The following ADGRL2 variants were observed in gnomAD, a reference collection of about 807,000 sequenced individuals.
ADGRL2 encodes the protein calcium-independent alpha-latrotoxin receptor 2.
Under a neutral mutation model 157.4 loss-of-function variants are expected in ADGRL2, and 44 were observed. That is an observed-to-expected ratio of 0.28 (90% CI 0.22 to 0.36). The LOEUF (loss-of-function observed/expected upper bound fraction) is 0.36. Ranked by LOEUF, ADGRL2 falls within the 10% of genes least tolerant of loss-of-function variation. The probability of loss-of-function intolerance (pLI) is 1.00; values close to 1 mark genes in which losing one functional copy is unlikely to be tolerated. For missense variants in ADGRL2, 1,510 were observed against 1,768.9 expected, an observed-to-expected ratio of 0.85 and a Z score of 2.63; for synonymous variants, 585 against 624.7, an observed-to-expected ratio of 0.94 and a Z score of 0.95.
At chr1:81,918,986 T>C (rs182250012) in intron 3 of ADGRL2, among the ~76,000 whole-genome samples, 114 of 152,320 alleles carry the variant, frequency 7.5e-4, no homozygotes, top group Middle Eastern at 3.4e-3. Context: ...TTACAAGTTT[T>C]AGACCCCACA....
At chr1:81,306,562 A>G (rs1659349124) in intron 1 of ADGRL2, 1 of 152,054 alleles carries the variant, frequency 6.6e-6, no homozygotes, top group African/African-American at 2.4e-5. Flanking sequence ...CTGTCTGCTC[A>G]TTATCAAATG....
intron 2 of ADGRL2, among the ~76,000 whole-genome samples, chr1:81,875,066 G>A (rs1271297276): frequency 6.6e-6 from 1 of 152,016 alleles, no homozygotes; most frequent in Non-Finnish European, 1.5e-5. Flanking sequence ...GATTGCCTGT[G>A]TTTTAAACTC....
rs1444914412 is a variant in ADGRL2 at position 81,714,638 on chromosome 1, G to A, written c.-143+14830G>A. Among the ~76,000 whole-genome samples the A allele has an allele frequency of 2.0e-5, 3 of 152,172 alleles. No homozygotes were observed. The South Asian group carries it at 6.2e-4, about 32-fold the overall frequency. ...GGATAAAGAAGATTTAGAAAACCCT[G>A]ATTCAGTATTAGAAATTAATGAATG... On this transcript the variant is annotated intron_variant, in intron 1 of 20. Transcript: ENST00000359929.
At chr1:81,799,622 T>C (rs1170037728), upstream of ADGRL2, among the ~76,000 whole-genome samples, 2 of 152,314 alleles carry the variant, frequency 1.3e-5, no homozygotes, top group South Asian at 2.1e-4. Context: ...CAATCTGCTG[T>C]TGACATATTA....
At chr1:81,810,020 A>G (rs1441910084) in intron 1 of ADGRL2, among the ~76,000 whole-genome samples, 4 of 151,852 alleles carry the variant, frequency 2.6e-5, no homozygotes, top group Non-Finnish European at 5.9e-5. Context: ...TCTAACCTCA[A>G]TTACTGTCAA....
At chr1:81,887,891 C>T (rs2094164085) in intron 2 of ADGRL2, among the ~76,000 whole-genome samples, 1 of 152,050 alleles carries the variant, frequency 6.6e-6, no homozygotes, top group Non-Finnish European at 1.5e-5. Context: ...CAGAAAATAC[C>T]TCGTGACTAA....
intron 1 of ADGRL2, among the ~76,000 whole-genome samples, chr1:81,390,453 A>AG (rs2076520689): frequency 1.3e-5 from 2 of 152,242 alleles, no homozygotes; most frequent in Non-Finnish European, 2.9e-5. Context: ...ATGGATAGAG[A>AG]AAGAGATGTA....
chr1:81,853,906 C>A (rs1297632148), intron 2 of ADGRL2, among the ~76,000 whole-genome samples: 1 of 152,064 alleles, frequency 6.6e-6, no homozygotes, highest in Non-Finnish European at 1.5e-5. Flanking sequence ...GCAGTATGCT[C>A]AAATTGAAGC....
Position 81,712,351 on chromosome 1 carries a change from C to T in ADGRL2, c.-143+12543C>T, listed in dbSNP as rs185051108. On this transcript the variant is annotated intron_variant, in intron 1 of 20. Coordinates refer to the ADGRL2 transcript ENST00000359929. ...AGTCCCAATAGAAATAAATTCAAAT[C>T]GGTCTTCATCGATGTGACCTGACAT... is the stretch of plus-strand genomic sequence containing the variant. 3.4e-3 allele frequency among the ~76,000 whole-genome samples: 520 copies of T among 152,234 alleles called. 8 individuals are homozygous for T. The highest frequency in any genetic ancestry group is 0.012 in the Admixed American group (188 of 15,286).
At chr1:81,565,330 G>A (rs1159780144) in intron 2 of ADGRL2, among the ~76,000 whole-genome samples, 1 of 152,194 alleles carries the variant, frequency 6.6e-6, no homozygotes, top group Non-Finnish European at 1.5e-5. Context: ...AGAATGTTAA[G>A]AACAGCACTT....
intron 2 of ADGRL2, among the ~76,000 whole-genome samples, chr1:81,544,232 T>A (rs1014311286): frequency 6.6e-6 from 1 of 152,196 alleles, no homozygotes; most frequent in African/African-American, 2.4e-5. Flanking sequence ...AGATTTTATT[T>A]TATTCTGTAA....
rs574981127 is a variant in ADGRL2, at chr1:81,993,482, T to C, written c.*2337T>C. ...GTCCTATTTCTTTCTCTTGAGGCAGTTCTCAAAACTCTAAAGACATGAACA... is the reference window on the plus strand; with the variant it reads ...GTCCTATTTCTTTCTCTTGAGGCAGCTCTCAAAACTCTAAAGACATGAACA... On this transcript the variant is annotated 3_prime_UTR_variant, in exon 24 of 24. Transcript: ENST00000686636. Among the ~76,000 whole-genome samples the C allele has an allele frequency of 1.9e-4, 29 of 152,182 alleles. No individual in the cohort carries two copies. The highest frequency in any genetic ancestry group is 7.0e-4 in the African/African-American group (29 of 41,534).
At chr1:81,924,712 G>A (rs2148661515) in intron 3 of ADGRL2, among the ~76,000 whole-genome samples, 1 of 152,064 alleles carries the variant, frequency 6.6e-6, no homozygotes, top group East Asian at 1.9e-4. Flanking sequence ...TATGGGAGGA[G>A]AGATCAAGTG....
chr1:81,682,747 A>C (rs892834338), intron 3 of ADGRL2, among the ~76,000 whole-genome samples: 7 of 152,214 alleles, frequency 4.6e-5, no homozygotes, highest in African/African-American at 1.7e-4. Flanking sequence ...CTGGACCTTG[A>C]AGGTCACCAT....
At chr1:81,717,495 A>G (rs1207159713) in intron 1 of ADGRL2, among the ~76,000 whole-genome samples, 1 of 152,246 alleles carries the variant, frequency 6.6e-6, no homozygotes, top group Non-Finnish European at 1.5e-5. Flanking sequence ...TATTAAATAT[A>G]CCAAAGGGAA....
intron 2 of ADGRL2, among the ~76,000 whole-genome samples, chr1:81,535,048 A>C (rs529767839): frequency 6.6e-6 from 1 of 152,278 alleles, no homozygotes; most frequent in Non-Finnish European, 1.5e-5. Flanking sequence ...GCTTTTTGGC[A>C]TCTCTGGATG....
At chr1:81,709,004 A>G (rs1004330004) in intron 1 of ADGRL2, among the ~76,000 whole-genome samples, 4 of 152,142 alleles carry the variant, frequency 2.6e-5, no homozygotes, top group African/African-American at 4.8e-5. Context: ...GTCTCACCAT[A>G]TAACTATAGA....
rs144957930 is a variant in ADGRL2 at position 81,570,797 on chromosome 1, A to G, written c.-247-10079A>G. On this transcript the variant is annotated intron_variant, in intron 2 of 24. Coordinates refer to the ADGRL2 transcript ENST00000370721. Reference sequence around the variant, plus strand: ...AGATCTTTAATTTTTTTCAGTTATCAATCATTCTGCTCTCACTCAAATTAC... The same window carrying G: ...AGATCTTTAATTTTTTTCAGTTATCGATCATTCTGCTCTCACTCAAATTAC... 1.7e-4 allele frequency among the ~76,000 whole-genome samples: 26 copies of G among 152,232 alleles called. No individual in the cohort carries two copies. In the East Asian group the frequency reaches 5.0e-3, roughly 29 times the overall value.
At chr1:81,831,286 T>G (rs1366212456) in intron 1 of ADGRL2, among the ~76,000 whole-genome samples, 1 of 152,204 alleles carries the variant, frequency 6.6e-6, no homozygotes, top group Admixed American at 6.5e-5. Flanking sequence ...TTAGGCACTT[T>G]AGTAATATAA....
Sources: allele counts gnomAD v4.1 joint callset (sites outside exome capture counted in the v4.1 genomes callset), GRCh38; gene constraint gnomAD v4.1.1; transcripts MANE v1.5; gene names NCBI Gene and HGNC (gene_info 2026-07-23, HGNC 2026-07-21).